Variants in CRPPA observed in about 807,000 individuals in gnomAD.
The protein encoded by CRPPA is D-ribitol-5-phosphate cytidylyltransferase.
In CRPPA, 43 loss-of-function variants were observed where a neutral mutation model predicts 52.0. That is an observed-to-expected ratio of 0.83 (90% CI 0.65 to 1.07). CRPPA has a LOEUF of 1.07. Among genes scored for constraint, CRPPA ranks in the 50% least tolerant of loss-of-function variants. The pLI is 0.00. For missense variants in CRPPA, 629 were observed against 551.7 expected, an observed-to-expected ratio of 1.14 and a Z score of -1.40; for synonymous variants, 250 against 203.5, an observed-to-expected ratio of 1.23 and a Z score of -1.94.
At chr7:16,239,344 T>C (rs559250638) in intron 8 of CRPPA, among the ~76,000 whole-genome samples, 1 of 151,968 alleles carries the variant, frequency 6.6e-6, no homozygotes, top group African/African-American at 2.4e-5. Flanking sequence ...GTTACATTTA[T>C]ACATGAAGTA....
At chr7:16,254,324 A>T (rs1310837430) in intron 8 of CRPPA, among the ~76,000 whole-genome samples, 1 of 152,178 alleles carries the variant, frequency 6.6e-6, no homozygotes, top group African/African-American at 2.4e-5. Flanking sequence ...AATAGCAAAG[A>T]CCTGGAACCA....
At chr7:16,302,215 G>A (rs1036034114) in intron 4 of CRPPA, among the ~76,000 whole-genome samples, 1 of 138,274 alleles carries the variant, frequency 7.2e-6, no homozygotes, top group African/African-American at 2.7e-5. Flanking sequence ...AGAATGGCGT[G>A]AACCCGGGAG....
intron 9 of CRPPA, among the ~76,000 whole-genome samples, chr7:16,146,725 A>C (rs553379637): frequency 3.9e-5 from 6 of 152,300 alleles, no homozygotes; most frequent in African/African-American, 1.2e-4. Flanking sequence ...GTTTTATGTA[A>C]GCCTCATGGT....
At chr7:16,128,173 T>C (rs1243541205) in intron 9 of CRPPA, among the ~76,000 whole-genome samples, 1 of 152,100 alleles carries the variant, frequency 6.6e-6, no homozygotes, top group African/African-American at 2.4e-5. Context: ...TATACTGGGC[T>C]TAATACTTAG....
At chr7:16,189,433 G>A (rs1478256183) in intron 9 of CRPPA, among the ~76,000 whole-genome samples, 2 of 152,146 alleles carry the variant, frequency 1.3e-5, no homozygotes, top group East Asian at 3.8e-4. Context: ...TCTGGAAAGT[G>A]ATGGCTGCAT....
chr7:16,115,720 C>T (rs888741502), intron 9 of CRPPA, among the ~76,000 whole-genome samples: 3 of 152,186 alleles, frequency 2.0e-5, no homozygotes, highest in Non-Finnish European at 4.4e-5. Flanking sequence ...CCCTCAAAAT[C>T]TGATGAGAAC....
At chr7:16,094,430 G>T (rs374124425) in intron 9 of CRPPA, among the ~76,000 whole-genome samples, 1 of 151,938 alleles carries the variant, frequency 6.6e-6, no homozygotes. Flanking sequence ...TATTAACACA[G>T]GAAAAAAATG....
chr7:16,420,302 G>A (rs1406345422), intron 1 of CRPPA, among the ~76,000 whole-genome samples: 1 of 152,110 alleles, frequency 6.6e-6, no homozygotes, highest in Admixed American at 6.6e-5. Flanking sequence ...TTGTAATGCC[G>A]CTGCTTCCCA....
intron 9 of CRPPA, among the ~76,000 whole-genome samples, chr7:16,094,770 G>A (rs559890375): frequency 1.3e-5 from 2 of 152,156 alleles, no homozygotes; most frequent in Middle Eastern, 3.4e-3. Flanking sequence ...TGTACCTCCA[G>A]GCTAATCATG....
intron 3 of CRPPA, among the ~76,000 whole-genome samples, chr7:16,311,474 G>T (rs1005967018): frequency 6.6e-6 from 1 of 152,006 alleles, no homozygotes; most frequent in African/African-American, 2.4e-5. Context: ...ACCAAAATAT[G>T]CATTTAATTT....
At chr7:16,342,798 T>TATATATATATAGATATATAGATATA (rs1491461185) in intron 3 of CRPPA, among the ~76,000 whole-genome samples, 1,496 of 100,952 alleles carry the variant, frequency 0.015, 199 homozygotes, top group Non-Finnish European at 0.017. Flanking sequence ...TATATATATA[T>TATATATATATAGATATATAGATATA]CTATATAGAT....
rs1781814190 is a variant in CRPPA, at chr7:16,090,547, T to TGC, written c.*1147_*1148insGC. On this transcript the variant is annotated 3_prime_UTR_variant, in exon 10 of 10. Transcript: ENST00000407010. ...GGCGAAAACCCTTCTCTACTAAAAA[T>TGC]ACAAAAAAAAAAAAAAAAAAAAAAA... The TGC allele has an allele frequency of 4.6e-5, 1 of 21,848 alleles. No homozygotes were observed. The highest frequency in any genetic ancestry group is 1.0e-4 in the Non-Finnish European group (1 of 9,930). 1.4% of individuals were successfully genotyped at this position (21,848 alleles called of 1,614,324 possible).
chr7:16,316,832 G>T (rs983786138), intron 3 of CRPPA, among the ~76,000 whole-genome samples: 2 of 151,878 alleles, frequency 1.3e-5, no homozygotes, highest in Non-Finnish European at 2.9e-5. Context: ...ATTCCAACCT[G>T]GGCAATGCAG....
chr7:16,159,063 G>A (rs1164146944), intron 9 of CRPPA, among the ~76,000 whole-genome samples: 1 of 152,178 alleles, frequency 6.6e-6, no homozygotes, highest in African/African-American at 2.4e-5. Flanking sequence ...CAAGGCTTCT[G>A]TTCTTTTCAC....
intron 4 of CRPPA, among the ~76,000 whole-genome samples, chr7:16,306,503 G>A (rs1403950108): frequency 1.3e-5 from 2 of 152,200 alleles, no homozygotes; most frequent in Non-Finnish European, 1.5e-5. Flanking sequence ...GTAATGTGCT[G>A]CTTCCTTTTC....
At chr7:16,406,434 G>A (rs888466746) in intron 1 of CRPPA, 97 bp from the exon 2 acceptor site, 5 of 1,072,554 alleles carry the variant, frequency 4.7e-6, no homozygotes, top group Non-Finnish European at 6.7e-6. Flanking sequence ...TATTTAAATA[G>A]GGAGATTAAA....
At chr7:16,403,898 T>C (rs769588555) in intron 2 of CRPPA, among the ~76,000 whole-genome samples, 2 of 152,198 alleles carry the variant, frequency 1.3e-5, no homozygotes, top group African/African-American at 4.8e-5. Context: ...CCAATAGCAA[T>C]GCAAAACAAT....
intron 9 of CRPPA, among the ~76,000 whole-genome samples, chr7:16,139,141 C>T (rs1782817726): frequency 6.6e-6 from 1 of 152,110 alleles, no homozygotes; most frequent in Admixed American, 6.6e-5. Flanking sequence ...ATGAGAGAGC[C>T]ATTAAAACTA....
chr7:16,420,662 T>G (rs1310688293), intron 1 of CRPPA, among the ~76,000 whole-genome samples: 1 of 152,112 alleles, frequency 6.6e-6, no homozygotes, highest in African/African-American at 2.4e-5. Flanking sequence ...CCCTGGAAAC[T>G]TCAGTGTGCA....
Sources: gnomAD v4.1 joint callset for allele counts (sites outside exome capture counted in the v4.1 genomes callset) on GRCh38, gnomAD v4.1.1 for gene constraint, MANE v1.5 for transcripts, NCBI Gene and HGNC (gene_info 2026-07-23, HGNC 2026-07-21) for gene names.